Variants in ISM1 observed in about 807,000 individuals in gnomAD.
ISM1 encodes isthmin 1.
Under a neutral mutation model 46.3 loss-of-function variants are expected in ISM1, and 25 were observed. That is an observed-to-expected ratio of 0.54 (90% CI 0.39 to 0.75). ISM1 has a LOEUF of 0.75. Among genes scored for constraint, ISM1 ranks in the 30% least tolerant of loss-of-function variants. The pLI, the probability that ISM1 is intolerant of heterozygous loss-of-function variation, is 0.00. For missense variants in ISM1, 536 were observed against 625.4 expected (o/e 0.86, Z 1.52); for synonymous variants, 255 against 256.7 (o/e 0.99, Z 0.06).
At position 13,270,486 on chromosome 20, in the gene ISM1, C is replaced by CTTGT. The variant is rs772613380; in HGVS notation, c.139-7_139-4dup. 5.0e-6 allele frequency: 8 copies of CTTGT among 1,602,544 alleles called. No homozygotes were observed. The South Asian group carries it at 5.6e-5, about 11-fold the overall frequency. Reference sequence around the variant, plus strand: ...CATGTGTCTCCTTAACAGGTGTTTGCTTGTTTGTTTGTTTTAGAATAACCT... The same window carrying CTTGT: ...CATGTGTCTCCTTAACAGGTGTTTGCTTGTTTGTTTGTTTGTTTTAGAATAACCT... On this transcript the variant is annotated splice_polypyrimidine_tract_variant and intron_variant, in intron 1 of 5. Transcript: ENST00000262487.
intron 1 of ISM1, among the ~76,000 whole-genome samples, chr20:13,267,991 A>C (rs2123241470): frequency 6.6e-6 from 1 of 152,338 alleles, no homozygotes; most frequent in South Asian, 2.1e-4. Flanking sequence ...TTGTTGGAGA[A>C]GTTTTAGGGT....
At chr20:13,266,283 T>TA (rs1366453111) in intron 1 of ISM1, among the ~76,000 whole-genome samples, 1 of 152,212 alleles carries the variant, frequency 6.6e-6, no homozygotes, top group African/African-American at 2.4e-5. Context: ...TGCTAGGCTG[T>TA]AAGAAGAGGA....
intron 1 of ISM1, among the ~76,000 whole-genome samples, chr20:13,223,319 G>C (rs1452794485): frequency 6.6e-6 from 1 of 152,036 alleles, no homozygotes; most frequent in East Asian, 1.9e-4. Flanking sequence ...TTACCGTAAA[G>C]AGAAAACTAA....
chr20:13,263,433 G>A (rs938915314), intron 1 of ISM1, among the ~76,000 whole-genome samples: 5 of 152,158 alleles, frequency 3.3e-5, no homozygotes, highest in Admixed American at 1.3e-4. Context: ...CGATTTTATG[G>A]TCTAAAACTC....
chr20:13,293,503 C>CT (rs907487312), intron 5 of ISM1, among the ~76,000 whole-genome samples: 3,374 of 146,470 alleles, frequency 0.023, 117 homozygotes, highest in African/African-American at 0.075. Flanking sequence ...AGTCCTGAGT[C>CT]TTTTTTTTTT....
At chr20:13,255,749 A>C (rs2039921101) in intron 1 of ISM1, among the ~76,000 whole-genome samples, 1 of 152,174 alleles carries the variant, frequency 6.6e-6, no homozygotes, top group Non-Finnish European at 1.5e-5. Flanking sequence ...TTGCCCCCTC[A>C]TCAGACATCT....
intron 1 of ISM1, among the ~76,000 whole-genome samples, chr20:13,240,274 A>T (rs1161924373): frequency 6.6e-6 from 1 of 152,246 alleles, no homozygotes. Flanking sequence ...GAATAAAGGA[A>T]TTATTATAGA....
chr20:13,274,207 C>G (rs772120745), intron 2 of ISM1, among the ~76,000 whole-genome samples: 5 of 152,164 alleles, frequency 3.3e-5, no homozygotes, highest in Admixed American at 2.0e-4. Context: ...GTGCTTTCTA[C>G]AAGGAGGTGA....
the ISM1 span, among the ~76,000 whole-genome samples, chr20:13,314,606 T>TG: frequency 6.6e-6 from 1 of 151,992 alleles, no homozygotes; most frequent in Non-Finnish European, 1.5e-5. Flanking sequence ...CCAGTAGAAG[T>TG]GCCTTGCAAG....
chr20:13,294,068 C>T (rs939581957), intron 5 of ISM1, among the ~76,000 whole-genome samples: 15 of 152,124 alleles, frequency 9.9e-5, no homozygotes, highest in Non-Finnish European at 1.5e-4. Context: ...AAATGAAAAG[C>T]TTTATCCAAA....
chr20:13,295,409 T>C (rs924520509), intron 5 of ISM1, among the ~76,000 whole-genome samples: 2 of 152,174 alleles, frequency 1.3e-5, no homozygotes, highest in African/African-American at 4.8e-5. Context: ...TATATTCCTA[T>C]ACCTTCTGCT....
chr20:13,303,292 A>G (rs979669909), downstream of ISM1, among the ~76,000 whole-genome samples: 2 of 152,068 alleles, frequency 1.3e-5, no homozygotes, highest in African/African-American at 4.8e-5. Context: ...CTTTGCTTAG[A>G]TTGTTCAAAG....
the ISM1 span, among the ~76,000 whole-genome samples, chr20:13,313,919 G>A: frequency 4.6e-5 from 7 of 152,190 alleles, no homozygotes; most frequent in Non-Finnish European, 1.0e-4. Flanking sequence ...AATGTAAGCA[G>A]AGAGATAAAA....
the ISM1 span, among the ~76,000 whole-genome samples, chr20:13,323,313 T>A: frequency 1.3e-5 from 2 of 152,132 alleles, no homozygotes; most frequent in Non-Finnish European, 2.9e-5. Context: ...GGGAGGTCAC[T>A]TACTGGAAAC....
At position 13,287,696 on chromosome 20, in the gene ISM1, G is replaced by T. The variant is rs182041865; in HGVS notation, c.644-844G>T. On this transcript the variant is annotated intron_variant, in intron 3 of 5. Coordinates refer to ENST00000262487, the MANE Select transcript of ISM1 (RefSeq NM_080826.2). Reference sequence around the variant, plus strand: ...CTTAATAGTGTATCTCATGTACCAAGAATTGTGCCTGACATACAAAAAGGG... The same window carrying T: ...CTTAATAGTGTATCTCATGTACCAATAATTGTGCCTGACATACAAAAAGGG... Among the ~76,000 whole-genome samples, 9 of 152,282 alleles carry T rather than the reference G, an allele frequency of 5.9e-5. No individual in the cohort carries two copies. The East Asian group carries it at 1.5e-3, about 26-fold the overall frequency.
chr20:13,314,816 T>A, the ISM1 span, among the ~76,000 whole-genome samples: 1 of 152,110 alleles, frequency 6.6e-6, no homozygotes, highest in African/African-American at 2.4e-5. Flanking sequence ...TATGCACATA[T>A]CTATATCTAT....
intron 3 of ISM1, among the ~76,000 whole-genome samples, chr20:13,282,086 G>A (rs1355558469): frequency 2.0e-5 from 3 of 152,138 alleles, no homozygotes; most frequent in Admixed American, 1.3e-4. Context: ...GCTGCATTGC[G>A]CACCTCTGTT....
chr20:13,240,743 A>T (rs1039235006), intron 1 of ISM1, among the ~76,000 whole-genome samples: 5 of 152,196 alleles, frequency 3.3e-5, no homozygotes, highest in Admixed American at 3.3e-4. Context: ...GTAAGAGGTG[A>T]TGGGATGTGG....
At chr20:13,222,082 A>T (rs577002200) in intron 1 of ISM1, among the ~76,000 whole-genome samples, 168 bp downstream of exon 1, 1 of 152,088 alleles carries the variant, frequency 6.6e-6, no homozygotes, top group Non-Finnish European at 1.5e-5. Flanking sequence ...GCAGAGGCGG[A>T]GCGGGGGCAC....
Sources: allele counts gnomAD v4.1 joint callset (sites outside exome capture counted in the v4.1 genomes callset), GRCh38; gene constraint gnomAD v4.1.1; transcripts MANE v1.5; gene names NCBI Gene and HGNC (gene_info 2026-07-23, HGNC 2026-07-21).